Variants in CAST observed in about 807,000 individuals in gnomAD.
CAST encodes calpastatin.
In CAST, 76 loss-of-function variants were observed where a neutral mutation model predicts 119.6. The observed-to-expected ratio is 0.64, with a 90% confidence interval of 0.53 to 0.77. CAST has a LOEUF of 0.77. Ranked by LOEUF, CAST falls within the 30% of genes least tolerant of loss-of-function variation. The probability of loss-of-function intolerance (pLI) is 0.00; values close to 1 mark genes in which losing one functional copy is unlikely to be tolerated. For missense variants in CAST, 953 were observed against 946.5 expected (o/e 1.01, Z -0.09); for synonymous variants, 319 against 331.6 (o/e 0.96, Z 0.41).
intron 2 of CAST, among the ~76,000 whole-genome samples, chr5:96,690,774 A>C (rs10476689): frequency 0.01 from 1,536 of 152,340 alleles, 29 homozygotes; most frequent in African/African-American, 0.035. Context: ...GAATCTGTCT[A>C]CACTTTTGAA....
At chr5:96,211,384 C>T in the CAST span, among the ~76,000 whole-genome samples, 3 of 151,862 alleles carry the variant, frequency 2.0e-5, no homozygotes, top group African/African-American at 7.3e-5. Flanking sequence ...TGCTCATTCT[C>T]AAGTGGAATG....
the CAST span, among the ~76,000 whole-genome samples, chr5:96,160,315 G>A: frequency 6.6e-6 from 1 of 151,914 alleles, no homozygotes; most frequent in Non-Finnish European, 1.5e-5. Context: ...CCTTCTGTTT[G>A]CATGGATTTG....
chr5:96,735,589 G>C (rs116496236), intron 9 of CAST, among the ~76,000 whole-genome samples: 1 of 152,216 alleles, frequency 6.6e-6, no homozygotes, highest in Non-Finnish European at 1.5e-5. Flanking sequence ...GGTGCCGAAA[G>C]GTGGCAATGG....
At chr5:96,658,802 A>C (rs1456576827), upstream of CAST, among the ~76,000 whole-genome samples, 1 of 152,210 alleles carries the variant, frequency 6.6e-6, no homozygotes, top group Non-Finnish European at 1.5e-5. Flanking sequence ...TGATATTCAA[A>C]GTGATTAAGT....
the CAST span, among the ~76,000 whole-genome samples, chr5:96,459,701 A>G: frequency 6.6e-6 from 1 of 152,296 alleles, no homozygotes; most frequent in East Asian, 1.9e-4. Flanking sequence ...CATGTAGGCA[A>G]TCAGACCCAA....
the CAST span, among the ~76,000 whole-genome samples, chr5:96,364,478 T>C: frequency 6.6e-6 from 1 of 152,208 alleles, no homozygotes; most frequent in Non-Finnish European, 1.5e-5. Context: ...TGGTAGGCTA[T>C]TAATTATTGC....
At chr5:96,612,351 A>T (rs1747379107) in intron 1 of CAST, among the ~76,000 whole-genome samples, 1 of 152,188 alleles carries the variant, frequency 6.6e-6, no homozygotes, top group South Asian at 2.1e-4. Flanking sequence ...AATACCACAT[A>T]TTCTCATTAT....
At chr5:95,985,792 G>GT in the CAST span, among the ~76,000 whole-genome samples, 1 of 152,102 alleles carries the variant, frequency 6.6e-6, no homozygotes, top group Admixed American at 6.6e-5. Context: ...CCTTGGGCAC[G>GT]TATTACTATT....
At chr5:96,708,413 T>C (rs1441643504) in intron 3 of CAST, among the ~76,000 whole-genome samples, 1 of 152,204 alleles carries the variant, frequency 6.6e-6, no homozygotes, top group Admixed American at 6.5e-5. Flanking sequence ...CTATTTTTGA[T>C]TTGGGGCTTT....
At chr5:96,327,683 C>T in the CAST span, among the ~76,000 whole-genome samples, 4 of 152,144 alleles carry the variant, frequency 2.6e-5, no homozygotes, top group Non-Finnish European at 4.4e-5. Context: ...AGGTTTTCTT[C>T]GCATGTGTCT....
the CAST span, among the ~76,000 whole-genome samples, chr5:96,068,534 G>T: frequency 6.6e-6 from 1 of 151,264 alleles, no homozygotes; most frequent in Non-Finnish European, 1.5e-5. Context: ...CCACCCACTG[G>T]ACTAGTAAGG....
chr5:96,120,703 C>T, the CAST span, among the ~76,000 whole-genome samples: 3 of 146,700 alleles, frequency 2.0e-5, no homozygotes, highest in African/African-American at 7.5e-5. Flanking sequence ...TATTAATGTG[C>T]CAAGCATTAT....
At chr5:96,290,486 C>T in the CAST span, among the ~76,000 whole-genome samples, 19 of 152,218 alleles carry the variant, frequency 1.2e-4, no homozygotes, top group Admixed American at 1.1e-3. Flanking sequence ...AACTCAGACT[C>T]ATCCACATTG....
At chr5:96,751,378 A>T (rs1765015360) in intron 20 of CAST, among the ~76,000 whole-genome samples, 1 of 152,152 alleles carries the variant, frequency 6.6e-6, no homozygotes, top group African/African-American at 2.4e-5. Flanking sequence ...ATGTCTTCTC[A>T]TTAAATTTTC....
chr5:96,277,528 A>G, the CAST span, among the ~76,000 whole-genome samples: 1 of 152,168 alleles, frequency 6.6e-6, no homozygotes, highest in Non-Finnish European at 1.5e-5. Flanking sequence ...TTTCTATTAA[A>G]CATGGCAAAT....
chr5:96,659,188 A>C (rs1748208979), upstream of CAST, among the ~76,000 whole-genome samples: 1 of 152,364 alleles, frequency 6.6e-6, no homozygotes, highest in African/African-American at 2.4e-5. Context: ...AGATATAATG[A>C]AAAAGGTTGA....
At chr5:96,289,801 G>A in the CAST span, among the ~76,000 whole-genome samples, 1 of 152,098 alleles carries the variant, frequency 6.6e-6, no homozygotes, top group Non-Finnish European at 1.5e-5. Context: ...CCTCAGCTTT[G>A]TTGAGAGACA....
intron 1 of CAST, among the ~76,000 whole-genome samples, chr5:96,548,614 A>C (rs1391771372): frequency 6.6e-6 from 1 of 151,726 alleles, no homozygotes; most frequent in African/African-American, 2.4e-5. Context: ...AAATCAGGAA[A>C]CTCCTATTTC....
At chr5:96,680,984 C>G (rs1168176815) in intron 2 of CAST, among the ~76,000 whole-genome samples, 1 of 152,260 alleles carries the variant, frequency 6.6e-6, no homozygotes, top group Non-Finnish European at 1.5e-5. Flanking sequence ...ACCGGGATAT[C>G]TAGCCCCAAG....
Sources: gnomAD v4.1 joint callset for allele counts (sites outside exome capture counted in the v4.1 genomes callset) on GRCh38, gnomAD v4.1.1 for gene constraint, MANE v1.5 for transcripts, NCBI Gene and HGNC (gene_info 2026-07-23, HGNC 2026-07-21) for gene names.